MFHAS1: variants seen among roughly 807,000 people sequenced by gnomAD.
MFHAS1 encodes malignant fibrous histiocytoma-amplified sequence 1.
In MFHAS1, 50 loss-of-function variants were observed where a neutral mutation model predicts 70.4. That is an observed-to-expected ratio of 0.71 (90% CI 0.57 to 0.90). MFHAS1 has a LOEUF of 0.90. Among genes scored for constraint, MFHAS1 ranks in the 40% least tolerant of loss-of-function variants. MFHAS1 has a pLI of 0.00. For synonymous variants in MFHAS1, 952 were observed against 620.0 expected (o/e 1.54, Z -7.96); for missense variants, 1,795 against 1,347.6 (o/e 1.33, Z -5.20).
At chr8:8,791,214 A>AT (rs1805710219) in intron 2 of MFHAS1, among the ~76,000 whole-genome samples, 1 of 148,206 alleles carries the variant, frequency 6.7e-6, no homozygotes, top group African/African-American at 2.5e-5. Flanking sequence ...AACTCCCACC[A>AT]TTCCCCACAT....
Position 8,802,088 on chromosome 8 carries a change from C to G in MFHAS1, c.2999-4597G>C, listed in dbSNP as rs115314328. Among the ~76,000 whole-genome samples the G allele has an allele frequency of 6.6e-3, 1,001 of 152,316 alleles. 13 individuals are homozygous for G. The highest frequency in any genetic ancestry group is 0.023 in the African/African-American group (964 of 41,570). On this transcript the variant is annotated intron_variant, in intron 1 of 2. Coordinates refer to ENST00000276282, the MANE Select transcript of MFHAS1 (RefSeq NM_004225.3). Reference sequence around the variant, plus strand: ...GAAGAAAAGATGACCACAGCAGCAACTGACATTGAGCGAGCACTTTTTACT... The same window carrying G: ...GAAGAAAAGATGACCACAGCAGCAAGTGACATTGAGCGAGCACTTTTTACT...
At position 8,819,608 on chromosome 8, in the gene MFHAS1, CAAAAAA is replaced by C. The variant is rs201326485; in HGVS notation, c.2999-22123_2999-22118del. Among the ~76,000 whole-genome samples the C allele has an allele frequency of 6.3e-3, 575 of 91,260 alleles. 6 individuals are homozygous for C. The highest frequency in any genetic ancestry group is 0.021 in the African/African-American group (542 of 25,234). The allele number at this position is 91,260 out of a possible 152,430, so 59.9% of individuals were successfully genotyped here. A position where few individuals can be genotyped will look rare whatever the true frequency, so the allele number is the denominator to read the frequency against. On this transcript the variant is annotated intron_variant, in intron 1 of 2. Coordinates refer to ENST00000276282, the MANE Select transcript of MFHAS1 (RefSeq NM_004225.3). ...GACAGAGCAAGACTCCAACTCAAAA[CAAAAAA>C]AAAAAAAAAAAAGAATATCCAAGAA... is the stretch of plus-strand genomic sequence containing the variant.
rs775125501 is a variant in MFHAS1 at position 8,785,299 on chromosome 8, G to A, written c.*723C>T. ...GGACCTTCATTGAAAAGAAGGGAAG[G>A]GACACTGTCTTAAATGCACATTTAA... On this transcript the variant is annotated 3_prime_UTR_variant, in exon 3 of 3. Coordinates refer to ENST00000276282, the MANE Select transcript of MFHAS1 (RefSeq NM_004225.3). 6.6e-6 allele frequency: 1 copy of A among 151,962 alleles called. No homozygotes were observed. 9.4% of individuals were successfully genotyped at this position (151,962 alleles called of 1,614,324 possible).
At chr8:8,807,752 T>C (rs1806380139) in intron 1 of MFHAS1, among the ~76,000 whole-genome samples, 2 of 152,226 alleles carry the variant, frequency 1.3e-5, no homozygotes, top group South Asian at 4.1e-4. Context: ...TGGGACACAC[T>C]GTAAGTAGCT....
intron 1 of MFHAS1, among the ~76,000 whole-genome samples, chr8:8,820,565 C>A (rs1296698328): frequency 1.3e-5 from 2 of 152,176 alleles, no homozygotes; most frequent in Admixed American, 6.5e-5. Context: ...CGTAAGTAGA[C>A]TAATATCATG....
At chr8:8,867,111 G>A (rs886250441) in intron 1 of MFHAS1, among the ~76,000 whole-genome samples, 1 of 152,142 alleles carries the variant, frequency 6.6e-6, no homozygotes, top group Non-Finnish European at 1.5e-5. Context: ...CTGCTAAGGT[G>A]CATTAATATA....
chr8:8,828,749 A>G (rs540227573), intron 1 of MFHAS1, among the ~76,000 whole-genome samples: 26 of 152,232 alleles, frequency 1.7e-4, no homozygotes, highest in African/African-American at 5.8e-4. Flanking sequence ...TGCAGTCCTC[A>G]CGGCGTGCAT....
chr8:8,881,774 G>A lies in MFHAS1; in HGVS notation c.2998+8287C>T, dbSNP rs551592808. Among the ~76,000 whole-genome samples, 5 of 146,036 alleles carry A rather than the reference G, an allele frequency of 3.4e-5. No homozygotes were observed. In the South Asian group the frequency reaches 1.1e-3, roughly 32 times the overall value. ...ACTTGAACTTAGGCAGGAGAATTGA[G>A]CCACTGCACTCCAACCTGGTGACAG... On this transcript the variant is annotated intron_variant, in intron 1 of 2. Transcript: ENST00000276282.
At chr8:8,847,495 G>T (rs112028672) in intron 1 of MFHAS1, among the ~76,000 whole-genome samples, 10 of 152,098 alleles carry the variant, frequency 6.6e-5, no homozygotes, top group African/African-American at 2.2e-4. Context: ...AATATCTTAA[G>T]AAACAAAGAA....
At chr8:8,868,938 G>C (rs530559940) in intron 1 of MFHAS1, among the ~76,000 whole-genome samples, 1 of 152,110 alleles carries the variant, frequency 6.6e-6, no homozygotes, top group Non-Finnish European at 1.5e-5. Context: ...CTCTAGTTTC[G>C]TCTAGAGTTT....
Position 8,785,966 on chromosome 8 carries a change from T to C in MFHAS1, c.*56A>G. 2 of 1,577,670 alleles carry C rather than the reference T, an allele frequency of 1.3e-6. No individual in the cohort carries two copies. Among genetic ancestry groups the C allele is most frequent in the Non-Finnish European group, 1.7e-6 (2 of 1,147,998 alleles). Reference sequence around the variant, plus strand: ...CAGAGGGTCTGCCAGGTGCAAAAGATGGTCCAGGTGTTCAGATGCTCTCTT... The same window carrying C: ...CAGAGGGTCTGCCAGGTGCAAAAGACGGTCCAGGTGTTCAGATGCTCTCTT... On this transcript the variant is annotated 3_prime_UTR_variant, in exon 3 of 3. Transcript: ENST00000276282.
chr8:8,860,747 C>T (rs1290546462), intron 1 of MFHAS1, among the ~76,000 whole-genome samples: 1 of 152,226 alleles, frequency 6.6e-6, no homozygotes, highest in Non-Finnish European at 1.5e-5. Flanking sequence ...TCCACTGAGT[C>T]ATGCCAAACT....
In MFHAS1 at chr8:8,890,324, C is replaced by G. The variant is rs772423903; in HGVS notation, c.2735G>C (p.Gly912Ala). ...INSHVVHRSD[G>A]KFQIFAYRGK... ...TCTATAGGCAAAGATCTGAAATTTA[C>G]CATCCGACCTGTGCACCACATGGCT... The change falls in exon 1 of 3, where the codon GGT (glycine) becomes GCT (alanine). Residue 912 changes from glycine to alanine, a missense_variant. Physicochemically the swap from Gly to Ala is moderately conservative, Grantham distance 60. Coordinates refer to ENST00000276282, the MANE Select transcript of MFHAS1 (RefSeq NM_004225.3). The G allele has an allele frequency of 1.2e-6, 2 of 1,614,228 alleles. No homozygotes were observed. The highest frequency in any genetic ancestry group is 4.5e-5 in the East Asian group (2 of 44,892).
At chr8:8,846,913 T>C (rs1808058202) in intron 1 of MFHAS1, among the ~76,000 whole-genome samples, 1 of 152,176 alleles carries the variant, frequency 6.6e-6, no homozygotes, top group African/African-American at 2.4e-5. Context: ...TGACCTTTGA[T>C]ACACTGCATT....
chr8:8,876,021 T>C (rs1036614047), intron 1 of MFHAS1, among the ~76,000 whole-genome samples: 1 of 152,204 alleles, frequency 6.6e-6, no homozygotes, highest in Non-Finnish European at 1.5e-5. Context: ...CTTCTAAAAG[T>C]ATGTTTAGAC....
chr8:8,855,862 G>GA (rs898325518), intron 1 of MFHAS1, among the ~76,000 whole-genome samples: 7 of 151,722 alleles, frequency 4.6e-5, no homozygotes, highest in South Asian at 2.1e-4. Context: ...TCTCAAAAAA[G>GA]AAAAAAACAA....
At chr8:8,858,035 T>C (rs1375670185) in intron 1 of MFHAS1, among the ~76,000 whole-genome samples, 1 of 152,216 alleles carries the variant, frequency 6.6e-6, no homozygotes, top group Non-Finnish European at 1.5e-5. Flanking sequence ...AGACAATGAC[T>C]GGTGTTCACT....
At chr8:8,787,268 G>C (rs1156690858) in intron 2 of MFHAS1, among the ~76,000 whole-genome samples, 1 of 152,066 alleles carries the variant, frequency 6.6e-6, no homozygotes, top group Non-Finnish European at 1.5e-5. Context: ...TTTTAGTAGA[G>C]ATGGGGTTTC....
intron 1 of MFHAS1, among the ~76,000 whole-genome samples, chr8:8,829,934 T>C (rs1807317968): frequency 6.6e-6 from 1 of 152,180 alleles, no homozygotes; most frequent in Non-Finnish European, 1.5e-5. Flanking sequence ...TACAGAAGAT[T>C]CTTCACTGTT....
Sources: allele counts gnomAD v4.1 joint callset (sites outside exome capture counted in the v4.1 genomes callset), GRCh38; gene constraint gnomAD v4.1.1; transcripts MANE v1.5; gene names NCBI Gene and HGNC (gene_info 2026-07-23, HGNC 2026-07-21).